Variants in EIF4G1 observed in about 807,000 individuals in gnomAD.
EIF4G1 encodes eukaryotic translation initiation factor 4 gamma 1.
EIF4G1 carries 4 observed loss-of-function variants against 187.8 expected under a neutral mutation model. The observed-to-expected ratio is 0.02, with a 90% CI of 0.01 to 0.05. The LOEUF is 0.05. EIF4G1 is among the 10% of genes least tolerant of loss of function. The pLI is 1.00. For synonymous variants in EIF4G1, 844 were observed against 781.4 expected (o/e 1.08, Z -1.34); for missense variants, 1,647 against 2,081.1 (o/e 0.79, Z 4.06).
Position 184,327,824 on chromosome 3 carries a change from C to T in EIF4G1, c.3781-6C>T. ...GTCTCTTCCTGCTGTGCCCTGCACC[C>T]CTCAGGAGGCAGTCCAGTGCGTGCA... On this transcript the variant is annotated splice_polypyrimidine_tract_variant and splice_region_variant and intron_variant, in intron 25 of 32. Transcript: ENST00000346169. 1.2e-6 allele frequency: 2 copies of T among 1,614,058 alleles called. No homozygotes were observed. The highest frequency in any genetic ancestry group is 1.3e-5 in the African/African-American group (1 of 75,044).
Position 184,325,408 on chromosome 3 carries a change from T to C in EIF4G1, c.2961+35T>C, listed in dbSNP as rs773524501. 567 of 1,614,082 alleles carry C rather than the reference T, an allele frequency of 3.5e-4. 1 individual carries two copies. The highest frequency in any genetic ancestry group is 4.1e-4 in the Non-Finnish European group (487 of 1,180,026). On this transcript the variant is annotated intron_variant, in intron 19 of 32. Coordinates refer to ENST00000346169, the MANE Select transcript of EIF4G1 (RefSeq NM_198241.3). The surrounding 1 kb of genome is among the most constrained non-coding windows in gnomAD (Gnocchi z 5.2). ...CCCCTCCTCCCCACTGCCAGCCTGC[T>C]GCCTCCAGTTTCTGACACTGCCTTG... is the stretch of plus-strand genomic sequence containing the variant.
rs112050955 is a variant in EIF4G1 at position 184,322,084 on chromosome 3, G to A, written c.1500G>A (p.Glu500=). ...CAGCCAACTTGTCTCAGAATTTGGA[G>A]GCAGCAGCAGCCACTCAAGGTAAGG... The part of the protein sequence containing the change: ...PIPANLSQNL[E]AAAATQVAVS... The change falls in exon 10 of 33, where the codon GAG becomes GAA. Residue 500 remains glutamate, a synonymous_variant. Coordinates refer to ENST00000346169, the MANE Select transcript of EIF4G1 (RefSeq NM_198241.3). The A allele has an allele frequency of 7.4e-6, 12 of 1,614,010 alleles. No individual in the cohort carries two copies. In the African/African-American group the frequency reaches 9.3e-5, roughly 13 times the overall value.
chr3:184,335,028 C>T lies in EIF4G1; in HGVS notation c.*120C>T. 7.3e-7 allele frequency: 1 copy of T among 1,370,400 alleles called. No homozygotes were observed. The allele number at this position is 1,370,400 out of a possible 1,614,324, so 84.9% of individuals were successfully genotyped here. A position where few individuals can be genotyped will look rare whatever the true frequency, so the allele number is the denominator to read the frequency against. On this transcript the variant is annotated 3_prime_UTR_variant, in exon 33 of 33. Coordinates refer to ENST00000346169, the MANE Select transcript of EIF4G1 (RefSeq NM_198241.3). ...AGTGGGTGCCTGTAGTGTGATGTGT[C>T]TGAACTAATAAAGTGGCTGAAGAGG...
At chr3:184,319,910 A>C in intron 7 of EIF4G1, 109 bp downstream of exon 7, 2 of 805,622 alleles carry the variant, frequency 2.5e-6, no homozygotes, top group African/African-American at 3.4e-5. Flanking sequence ...GAAGGAGCTG[A>C]GAGTGGGCAG....
Position 184,322,855 on chromosome 3 carries a change from A to G in EIF4G1, c.1830A>G (p.Lys610=). The part of the protein sequence containing the change: ...QWKPLNLEEK[K]RYDREFLLGF... ...AGCCTCTAAACCTAGAGGAGAAAAA[A>G]CGTTACGACCGTGAGTTCCTGCTTG... The change falls in exon 13 of 33, where the codon AAA becomes AAG. Residue 610 remains lysine (K), a synonymous_variant. Coordinates refer to ENST00000346169, the MANE Select transcript of EIF4G1 (RefSeq NM_198241.3). The G allele has an allele frequency of 3.7e-6, 6 of 1,614,098 alleles. No individual in the cohort carries two copies. Among genetic ancestry groups the G allele is most frequent in the Non-Finnish European group, 5.1e-6 (6 of 1,180,032 alleles).
At chr3:184,329,128 A>G (rs1442328874) in intron 28 of EIF4G1, 138 bp downstream of exon 28, 7 of 1,039,854 alleles carry the variant, frequency 6.7e-6, no homozygotes, top group Non-Finnish European at 1.0e-5. Flanking sequence ...GGGAGAGGAA[A>G]TACTGAGGTG....
At position 184,321,467 on chromosome 3, in the gene EIF4G1, A is replaced by G; in HGVS notation, c.883A>G (p.Met295Val). ...TGGGGACACTATGACAACTATACAAATGTCTGTAGAAGAATCAACCCCCAT... is the reference window on the plus strand; with the variant it reads ...TGGGGACACTATGACAACTATACAAGTGTCTGTAGAAGAATCAACCCCCAT... ...IPGDTMTTIQ[M>V]SVEESTPISR... Residue 295 changes from methionine (M) to valine (V), a missense_variant, in exon 10 of 33, where the codon ATG becomes GTG. Physicochemically the swap from Met to Val is conservative, Grantham distance 21. This residue lies in a region of EIF4G1 where 522 missense variants were observed against 485.2 expected (regional missense o/e 1.08). Transcript: ENST00000346169. 1 of 1,614,066 alleles carries G rather than the reference A, an allele frequency of 6.2e-7. No homozygotes were observed. Among genetic ancestry groups the G allele is most frequent in the African/African-American group, 1.3e-5 (1 of 75,018 alleles).
chr3:184,328,445 T>G, intron 26 of EIF4G1, 186 bp from the exon 27 acceptor site: 3 of 829,186 alleles, frequency 3.6e-6, no homozygotes, highest in Non-Finnish European at 6.0e-6. Flanking sequence ...CAGCATAACT[T>G]TAGGGGGTTA....
At chr3:184,321,184 G>C in intron 9 of EIF4G1, 98 bp from the exon 10 acceptor site, 1 of 1,543,736 alleles carries the variant, frequency 6.5e-7, no homozygotes, top group South Asian at 1.1e-5. Context: ...GATGATGCGG[G>C]GTTATTAAGT....
chr3:184,325,697 T>G lies in EIF4G1; in HGVS notation c.3121+58T>G, dbSNP rs372872835. 1.9e-6 allele frequency: 3 copies of G among 1,613,630 alleles called. No homozygotes were observed. The highest frequency in any genetic ancestry group is 1.3e-5 in the African/African-American group (1 of 74,896). ...GTGAAGGGACCGGGAGGTTATACTT[T>G]CCTCTGATGACTTCCTGTTAGTGCC... On this transcript the variant is annotated intron_variant, in intron 20 of 32. Transcript: ENST00000346169. This position sits in a 1 kb window ranked among gnomAD's most constrained non-coding sequence, Gnocchi z 5.2.
At chr3:184,324,141 C>T (rs1724414004) in intron 16 of EIF4G1, 60 bp from the exon 17 acceptor site, 4 of 1,612,948 alleles carry the variant, frequency 2.5e-6, no homozygotes, top group Non-Finnish European at 3.4e-6. Flanking sequence ...GTTAAAGGCT[C>T]TTGGAGGGCC....
At position 184,326,616 on chromosome 3, in the gene EIF4G1, G is replaced by A; in HGVS notation, c.3312G>A (p.Lys1104=). 6 of 1,610,136 alleles carry A rather than the reference G, an allele frequency of 3.7e-6. No homozygotes were observed. The highest frequency in any genetic ancestry group is 5.1e-6 in the Non-Finnish European group (6 of 1,180,004). ...GKGSSGGSGA[K]PSDAASEAAR... is the part of the protein sequence containing the mutation. ...GCAGCAGCGGAGGCTCAGGAGCCAA[G>A]CCCTCAGACGCAGGTATGGAGGCAG... The change falls in exon 22 of 33, where the codon AAG becomes AAA. Residue 1104 remains lysine, a synonymous_variant. Coordinates refer to ENST00000346169, the MANE Select transcript of EIF4G1 (RefSeq NM_198241.3).
At chr3:184,327,505 G>A in intron 24 of EIF4G1, 57 bp downstream of exon 24, 1 of 1,612,732 alleles carries the variant, frequency 6.2e-7, no homozygotes, top group Non-Finnish European at 8.5e-7. Flanking sequence ...GGACTAGCTG[G>A]TCCCCAGCTT....
chr3:184,333,409 G>C (rs1247242152), intron 32 of EIF4G1, among the ~76,000 whole-genome samples: 1 of 152,148 alleles, frequency 6.6e-6, no homozygotes, highest in African/African-American at 2.4e-5. Context: ...AGTCATAAGA[G>C]GATACGGGCT....
rs1724217244 is a variant in EIF4G1 at position 184,323,254 on chromosome 3, G to A, written c.2088+13G>A. The A allele has an allele frequency of 6.2e-7, 1 of 1,613,936 alleles. No homozygotes were observed. The highest frequency in any genetic ancestry group is 8.5e-7 in the Non-Finnish European group (1 of 1,179,922). ...GCCCCGTGGGCCGGTGAGTGGGGCT[G>A]GGTAAAGTGGCAGGTGGGCAAGGAG... On this transcript the variant is annotated intron_variant, in intron 14 of 32. Transcript: ENST00000346169. The surrounding 1 kb of genome is among the most constrained non-coding windows in gnomAD (Gnocchi z 6.9).
At chr3:184,330,667 C>T (rs1259919336) in intron 28 of EIF4G1, among the ~76,000 whole-genome samples, 1 of 152,012 alleles carries the variant, frequency 6.6e-6, no homozygotes, top group Non-Finnish European at 1.5e-5. Context: ...TTGTCCCTTC[C>T]TAGAGGCCCT....
chr3:184,315,642 C>T, intron 2 of EIF4G1, 97 bp downstream of exon 2: 1 of 793,782 alleles, frequency 1.3e-6, no homozygotes, highest in Non-Finnish European at 2.2e-6. Flanking sequence ...TTTTCTGCTT[C>T]ACCCTCTTGG....
chr3:184,320,582 G>C (rs1005670389), intron 7 of EIF4G1, 48 bp from the exon 8 acceptor site: 11 of 1,613,724 alleles, frequency 6.8e-6, no homozygotes, highest in South Asian at 1.1e-5. Flanking sequence ...AGGGTGGAGA[G>C]GTGGGCTCTT....
At position 184,328,368 on chromosome 3, in the gene EIF4G1, G is replaced by A. The variant is rs892512197; in HGVS notation, c.3954-263G>A. 1.5e-5 allele frequency: 8 copies of A among 535,076 alleles called. 1 individual carries two copies. The South Asian group carries it at 1.6e-4, about 11-fold the overall frequency. The allele number at this position is 535,076 out of a possible 1,614,324, so 33.1% of individuals were successfully genotyped here. A position where few individuals can be genotyped will look rare whatever the true frequency, so the allele number is the denominator to read the frequency against. ...ATCGTGCCATTGCACTCCAGCCTGG[G>A]TGACAAAAGCAAAACTGTCTCAAAA... On this transcript the variant is annotated intron_variant, in intron 26 of 32. Coordinates refer to ENST00000346169, the MANE Select transcript of EIF4G1 (RefSeq NM_198241.3).
Sources: allele counts gnomAD v4.1 joint callset (sites outside exome capture counted in the v4.1 genomes callset), GRCh38; gene constraint gnomAD v4.1.1; regional missense constraint gnomAD v4.1.1; non-coding constraint Gnocchi (gnomAD v3.1); transcripts MANE v1.5; gene names NCBI Gene and HGNC (gene_info 2026-07-23, HGNC 2026-07-21).